IQGAP1: variants seen among roughly 807,000 people sequenced by gnomAD.
IQGAP1 encodes the protein IQ motif containing GTPase activating protein 1.
A neutral mutation model predicts 215.6 loss-of-function variants in IQGAP1; 66 were observed. The ratio of observed to expected loss-of-function variants is 0.31; its 90% CI spans 0.25 to 0.38. The LOEUF is 0.38. Ranked by LOEUF, IQGAP1 falls within the 10% of genes least tolerant of loss-of-function variation. IQGAP1 has a pLI of 1.00. For missense variants in IQGAP1, 1,712 were observed against 1,997.1 expected, an observed-to-expected ratio of 0.86 and a Z score of 2.72; for synonymous variants, 772 against 728.7, an observed-to-expected ratio of 1.06 and a Z score of -0.96.
chr15:90,452,186 C>T (rs1473999961), intron 11 of IQGAP1, among the ~76,000 whole-genome samples: 5 of 152,082 alleles, frequency 3.3e-5, no homozygotes, highest in Admixed American at 1.3e-4. Flanking sequence ...TTGGCTCGCA[C>T]ACACTTCATG....
At position 90,392,748 on chromosome 15, in the gene IQGAP1, C is replaced by CTTTTTT. The variant is rs10701656; in HGVS notation, c.155+1887_155+1892dup. On this transcript the variant is annotated intron_variant, in intron 2 of 37. Transcript: ENST00000268182. ...TTTCTTGATTGAAGAATGTTTCTAT[C>CTTTTTT]TTTTTTTTTTTTTTTTTGTACAGTC... Among the ~76,000 whole-genome samples, 1,100 of 117,792 alleles carry CTTTTTT rather than the reference C, an allele frequency of 9.3e-3. 79 individuals carry two copies. Among genetic ancestry groups the CTTTTTT allele is most frequent in the African/African-American group, 0.029 (850 of 28,818 alleles). 77.3% of individuals were successfully genotyped at this position (117,792 alleles called of 152,430 possible). A position where few individuals can be genotyped will look rare whatever the true frequency, so the allele number is the denominator to read the frequency against.
chr15:90,452,773 A>G lies in IQGAP1; in HGVS notation c.1163-2A>G. On this transcript the variant is annotated splice_acceptor_variant, in intron 11 of 37. Coordinates refer to ENST00000268182, the MANE Select transcript of IQGAP1 (RefSeq NM_003870.4). LOFTEE classifies it high-confidence loss of function. ...CGTTTCTGACTCCTGTTTTTTACAC[A>G]GGATTGGCAGCAGTAGCACTGATTA... 6.2e-7 allele frequency: 1 copy of G among 1,613,272 alleles called. No homozygotes were observed. The highest frequency in any genetic ancestry group is 8.5e-7 in the Non-Finnish European group (1 of 1,179,536).
intron 15 of IQGAP1, among the ~76,000 whole-genome samples, chr15:90,461,836 A>G (rs1965765532): frequency 6.6e-6 from 1 of 151,774 alleles, no homozygotes; most frequent in Non-Finnish European, 1.5e-5. Flanking sequence ...AAAAGGAAGA[A>G]AGAATAAGAA....
At chr15:90,483,304 A>G (rs758447213) in intron 28 of IQGAP1, 57 bp from the exon 29 acceptor site, 3 of 1,318,570 alleles carry the variant, frequency 2.3e-6, no homozygotes, top group Non-Finnish European at 3.3e-6. Context: ...AAAGTCATTT[A>G]TAGCTTCCTT....
intron 26 of IQGAP1, among the ~76,000 whole-genome samples, chr15:90,479,578 A>AAT (rs554986114): frequency 1.7e-5 from 1 of 57,256 alleles, no homozygotes; most frequent in African/African-American, 1.4e-4. Context: ...TCCCTACTTA[A>AAT]AAAAAAAAAA....
At chr15:90,499,960 A>ATGGTT in intron 37 of IQGAP1, 35 bp from the exon 38 acceptor site, 1 of 1,167,838 alleles carries the variant, frequency 8.6e-7, no homozygotes, top group Non-Finnish European at 1.3e-6. Context: ...AACTGTCAAA[A>ATGGTT]TGTTTTGTTT....
chr15:90,479,576 TAA>T (rs34325733), intron 26 of IQGAP1, among the ~76,000 whole-genome samples: 252 of 132,602 alleles, frequency 1.9e-3, no homozygotes, highest in African/African-American at 3.6e-3. Context: ...TGTCCCTACT[TAA>T]AAAAAAAAAA....
At chr15:90,399,163 A>G (rs143040716) in intron 2 of IQGAP1, among the ~76,000 whole-genome samples, 18 of 151,568 alleles carry the variant, frequency 1.2e-4, no homozygotes, top group African/African-American at 2.9e-4. Context: ...GGGTTTCTCT[A>G]TGTTGCCAGG....
intron 2 of IQGAP1, among the ~76,000 whole-genome samples, chr15:90,417,988 C>G (rs1253688404): frequency 6.6e-6 from 1 of 152,132 alleles, no homozygotes; most frequent in Non-Finnish European, 1.5e-5. Flanking sequence ...TACATGTCTC[C>G]TTTTCCCATT....
chr15:90,403,824 G>A (rs1457065271), intron 2 of IQGAP1, among the ~76,000 whole-genome samples: 2 of 152,104 alleles, frequency 1.3e-5, no homozygotes, highest in Non-Finnish European at 2.9e-5. Flanking sequence ...CAGGCAATCC[G>A]CCATCAGGCC....
At chr15:90,487,686 A>AG in intron 33 of IQGAP1, 104 bp downstream of exon 33, 1 of 758,946 alleles carries the variant, frequency 1.3e-6, no homozygotes, top group African/African-American at 1.8e-5. Flanking sequence ...TTGGTAGCCT[A>AG]GGGGTGAGCA....
intron 2 of IQGAP1, among the ~76,000 whole-genome samples, chr15:90,411,286 C>CTT (rs969634626): frequency 1.3e-5 from 2 of 149,838 alleles, no homozygotes; most frequent in Non-Finnish European, 3.0e-5. Flanking sequence ...CTTTTCTTTT[C>CTT]TTTTTTTTTG....
At chr15:90,440,749 A>G in intron 7 of IQGAP1, 134 bp downstream of exon 7, 1 of 607,760 alleles carries the variant, frequency 1.6e-6, no homozygotes. Flanking sequence ...TTGTAAACAC[A>G]TAGTCTTCCA....
At chr15:90,492,163 C>G (rs1390105363) in intron 34 of IQGAP1, among the ~76,000 whole-genome samples, 7 of 152,080 alleles carry the variant, frequency 4.6e-5, no homozygotes, top group Admixed American at 6.6e-5. Context: ...CAAATTACTG[C>G]CTGTTGAATG....
chr15:90,476,556 T>G, intron 23 of IQGAP1, 107 bp from the exon 24 acceptor site: 3 of 732,768 alleles, frequency 4.1e-6, no homozygotes, highest in Non-Finnish European at 6.6e-6. Context: ...AATCTGCCAG[T>G]GCAGTACACC....
intron 2 of IQGAP1, among the ~76,000 whole-genome samples, chr15:90,420,140 A>G (rs1225493103): frequency 6.6e-6 from 1 of 152,234 alleles, no homozygotes; most frequent in Non-Finnish European, 1.5e-5. Context: ...ATGAGGGGAT[A>G]GGAGGAAAGG....
intron 33 of IQGAP1, among the ~76,000 whole-genome samples, chr15:90,490,960 C>G (rs1001685809): frequency 6.6e-6 from 1 of 152,144 alleles, no homozygotes; most frequent in African/African-American, 2.4e-5. Context: ...AGGCACTCGC[C>G]CCATGCTCGG....
chr15:90,487,408 G>GTGCTGC lies in IQGAP1; in HGVS notation c.4161-70_4161-65dup, dbSNP rs3833031. On this transcript the variant is annotated intron_variant, in intron 32 of 37. Transcript: ENST00000268182. ...TTGGGACTTCTGTGAGGTACTGTTT[G>GTGCTGC]TGCTGCTGCTGCTGCTGCTGCTTCG... is the stretch of plus-strand genomic sequence containing the variant. 1.3e-5 allele frequency: 12 copies of GTGCTGC among 911,160 alleles called. 1 individual carries two copies. The highest frequency in any genetic ancestry group is 2.0e-5 in the Admixed American group (1 of 50,796). 56.4% of individuals were successfully genotyped at this position (911,160 alleles called of 1,614,324 possible). A position where few individuals can be genotyped will look rare whatever the true frequency, so the allele number is the denominator to read the frequency against.
chr15:90,419,252 T>A (rs1596257305), intron 2 of IQGAP1, among the ~76,000 whole-genome samples: 1 of 152,196 alleles, frequency 6.6e-6, no homozygotes, highest in Non-Finnish European at 1.5e-5. Flanking sequence ...ACCCACAGTT[T>A]ATCTGTAAAA....
Sources: gnomAD v4.1 joint callset for allele counts (sites outside exome capture counted in the v4.1 genomes callset) on GRCh38, gnomAD v4.1.1 for gene constraint, MANE v1.5 for transcripts, NCBI Gene and HGNC (gene_info 2026-07-23, HGNC 2026-07-21) for gene names.